PREX2: variants seen among roughly 807,000 people sequenced by gnomAD.
The protein encoded by PREX2 is phosphatidylinositol-3,4,5-trisphosphate dependent Rac exchange factor 2, also known as phosphatidylinositol 3,4,5-trisphosphate-dependent Rac exchanger 2 protein.
PREX2 carries 107 observed loss-of-function variants against 203.2 expected under a neutral mutation model. The ratio of observed to expected loss-of-function variants is 0.53; its 90% CI spans 0.45 to 0.62. PREX2 has a LOEUF of 0.62. PREX2 is among the 20% of genes least tolerant of loss of function. The pLI, the probability that PREX2 is intolerant of heterozygous loss-of-function variation, is 0.00. For synonymous variants in PREX2, 672 were observed against 663.6 expected (o/e 1.01, Z -0.19); for missense variants, 1,777 against 1,955.9 (o/e 0.91, Z 1.72).
At chr8:68,186,011 C>T (rs1395757564) in intron 35 of PREX2, among the ~76,000 whole-genome samples, 1 of 126,580 alleles carries the variant, frequency 7.9e-6, no homozygotes, top group Non-Finnish European at 1.7e-5. Flanking sequence ...AGGAGCATTG[C>T]AAGACTTTTT....
intron 23 of PREX2, chr8:68,105,842 G>T (rs1049707705): frequency 6.6e-6 from 1 of 150,914 alleles, no homozygotes; most frequent in African/African-American, 2.4e-5. Context: ...TGCACCTATT[G>T]GTGTATTTTT....
At chr8:68,041,371 G>A (rs1236828673) in intron 7 of PREX2, among the ~76,000 whole-genome samples, 6 of 152,020 alleles carry the variant, frequency 3.9e-5, no homozygotes, top group Admixed American at 1.3e-4. Flanking sequence ...CAAACATTTG[G>A]TAGCTATGAT....
chr8:67,969,934 T>C (rs1324285954), intron 1 of PREX2, among the ~76,000 whole-genome samples: 2 of 152,236 alleles, frequency 1.3e-5, no homozygotes, highest in East Asian at 1.9e-4. Context: ...GCCCATCATC[T>C]GAGTCTCACT....
chr8:68,157,495 A>C (rs553051235), intron 35 of PREX2, 59 bp downstream of exon 35: 1 of 853,324 alleles, frequency 1.2e-6, no homozygotes, highest in African/African-American at 1.7e-5. Flanking sequence ...AAATGTATTA[A>C]TAGGACTTTT....
At chr8:68,050,062 G>GTATATATATATATATATA in intron 8 of PREX2, among the ~76,000 whole-genome samples, 1 of 151,292 alleles carries the variant, frequency 6.6e-6, no homozygotes, top group African/African-American at 2.4e-5. Flanking sequence ...ATGTATGTGT[G>GTATATATATATATATATA]TATATATATA....
intron 1 of PREX2, among the ~76,000 whole-genome samples, chr8:67,960,577 C>A (rs1585655050): frequency 6.6e-6 from 1 of 152,056 alleles, no homozygotes; most frequent in East Asian, 1.9e-4. Context: ...TTCCGGGAGC[C>A]ACCAGGGAGG....
At position 68,074,119 on chromosome 8, in the gene PREX2, G is replaced by A. The variant is rs191316820; in HGVS notation, c.1569+1549G>A. ...GTACCTGGGATTACAGGTGTGCACCGCTACACCTGGCTAATTTTTGTATTT... is the reference window on the plus strand; with the variant it reads ...GTACCTGGGATTACAGGTGTGCACCACTACACCTGGCTAATTTTTGTATTT... On this transcript the variant is annotated intron_variant, in intron 14 of 39. Transcript: ENST00000288368. 4.0e-3 allele frequency among the ~76,000 whole-genome samples: 611 copies of A among 151,758 alleles called. 8 individuals are homozygous for A. Among genetic ancestry groups the A allele is most frequent in the African/African-American group, 0.014 (581 of 41,432 alleles).
intron 6 of PREX2, among the ~76,000 whole-genome samples, chr8:68,034,139 G>A (rs1164610263): frequency 1.3e-5 from 2 of 152,104 alleles, no homozygotes; most frequent in East Asian, 3.9e-4. Context: ...TGCCACCACA[G>A]AAAATCTATA....
intron 11 of PREX2, among the ~76,000 whole-genome samples, chr8:68,061,352 C>T (rs887345843): frequency 1.1e-4 from 17 of 152,234 alleles, no homozygotes; most frequent in Middle Eastern, 3.4e-3. Flanking sequence ...GGGCTTATTC[C>T]GAGGGGGGCC....
intron 38 of PREX2, among the ~76,000 whole-genome samples, chr8:68,222,385 A>G (rs982975000): frequency 6.6e-6 from 1 of 151,918 alleles, no homozygotes; most frequent in African/African-American, 2.4e-5. Context: ...AAAAGGCACA[A>G]GAAACAACCA....
At chr8:68,136,359 A>G (rs1811112754) in intron 32 of PREX2, among the ~76,000 whole-genome samples, 1 of 152,172 alleles carries the variant, frequency 6.6e-6, no homozygotes, top group Non-Finnish European at 1.5e-5. Context: ...AAATTCAAGA[A>G]ACCCATAGTC....
chr8:68,215,815 G>A (rs750794604), intron 37 of PREX2, among the ~76,000 whole-genome samples: 151 of 152,272 alleles, frequency 9.9e-4, no homozygotes, highest in Middle Eastern at 6.8e-3. Context: ...GGGATTACAG[G>A]CGTGAGCCAC....
chr8:68,121,306 A>G (rs1388405080), intron 30 of PREX2, among the ~76,000 whole-genome samples: 3 of 152,140 alleles, frequency 2.0e-5, no homozygotes, highest in Non-Finnish European at 4.4e-5. Flanking sequence ...GAAGACAAAT[A>G]GAACGTGAAG....
intron 30 of PREX2, among the ~76,000 whole-genome samples, chr8:68,122,999 AT>A (rs1372895277): frequency 6.6e-6 from 1 of 152,156 alleles, no homozygotes; most frequent in East Asian, 1.9e-4. Flanking sequence ...GGATAGAGAT[AT>A]CTGTAGATGT....
At chr8:68,197,085 C>G (rs1812411721) in intron 37 of PREX2, among the ~76,000 whole-genome samples, 1 of 152,062 alleles carries the variant, frequency 6.6e-6, no homozygotes, top group Admixed American at 6.6e-5. Context: ...ACCCTATATT[C>G]TCACATTACA....
intron 37 of PREX2, among the ~76,000 whole-genome samples, chr8:68,193,771 T>G (rs1448782211): frequency 6.6e-6 from 1 of 152,048 alleles, no homozygotes; most frequent in South Asian, 2.1e-4. Flanking sequence ...ATGTTTGAAT[T>G]GGGTTTTCAT....
intron 8 of PREX2, among the ~76,000 whole-genome samples, chr8:68,047,309 A>G (rs1266257411): frequency 6.6e-6 from 1 of 151,750 alleles, no homozygotes; most frequent in Non-Finnish European, 1.5e-5. Context: ...GATGGATCTC[A>G]GCAGAGCTGA....
At position 68,108,155 on chromosome 8, in the gene PREX2, C is replaced by A. The variant is rs769987443; in HGVS notation, c.2762C>A (p.Ala921Asp). ...KNRAWPTFKQ[A>D]KSKISPLHSS... ...AGGGCCTGGCCTACTTTTAAACAGG[C>A]CAAATCTAAAATCTCCCCACTGCAC... Residue 921 changes from alanine (A) to aspartate (D), a missense_variant, in exon 24 of 40, where the codon GCC becomes GAC. Transcript: ENST00000288368. The A allele has an allele frequency of 6.2e-7, 1 of 1,613,734 alleles. No homozygotes were observed. Among genetic ancestry groups the A allele is most frequent in the Non-Finnish European group, 8.5e-7 (1 of 1,179,894 alleles).
intron 7 of PREX2, among the ~76,000 whole-genome samples, chr8:68,041,875 T>C (rs148870573): frequency 9.1e-4 from 139 of 152,188 alleles, no homozygotes; most frequent in African/African-American, 3.2e-3. Flanking sequence ...GGACAAATCA[T>C]GATATTATAT....
Sources: gnomAD v4.1 joint callset for allele counts (sites outside exome capture counted in the v4.1 genomes callset) on GRCh38, gnomAD v4.1.1 for gene constraint, MANE v1.5 for transcripts, NCBI Gene and HGNC (gene_info 2026-07-23, HGNC 2026-07-21) for gene names.